Variants in BCL9 observed in about 807,000 individuals in gnomAD.
BCL9 encodes the protein BCL9 transcription coactivator, also known as B-cell CLL/lymphoma 9 protein.
BCL9 carries 25 observed loss-of-function variants against 88.5 expected under a neutral mutation model. That is an observed-to-expected ratio of 0.28 (90% CI 0.21 to 0.39). The LOEUF (loss-of-function observed/expected upper bound fraction) is 0.39. Among genes scored for constraint, BCL9 ranks in the 10% least tolerant of loss-of-function variants. The pLI is 1.00. For synonymous variants in BCL9, 711 were observed against 673.3 expected, an observed-to-expected ratio of 1.06 and a Z score of -0.87; for missense variants, 1,817 against 1,877.8, an observed-to-expected ratio of 0.97 and a Z score of 0.60.
At chr1:147,592,431 T>C (rs1322202818) in intron 1 of BCL9, among the ~76,000 whole-genome samples, 1 of 152,218 alleles carries the variant, frequency 6.6e-6, no homozygotes, top group African/African-American at 2.4e-5. Context: ...GCCTTTTCTT[T>C]CTTCCCCTCA....
rs142647046 is a variant in BCL9 at position 147,623,926 on chromosome 1, C to A, written c.3248C>A (p.Thr1083Asn). 2.1e-3 allele frequency: 3,411 copies of A among 1,614,080 alleles called. 8 individuals carry two copies. The highest frequency in any genetic ancestry group is 2.7e-3 in the Non-Finnish European group (3,145 of 1,180,054). Residue 1083 changes from threonine to asparagine, a missense_variant, in exon 10 of 10, where the codon ACC becomes AAC. By Grantham distance (65) the Thr-to-Asn change is moderately conservative. Coordinates refer to ENST00000234739, the MANE Select transcript of BCL9 (RefSeq NM_004326.4). ...PMPTLSPMGM[T>N]QPLSHSNQMP... is the part of the protein sequence containing the mutation. ...CCAACCCTCAGCCCAATGGGAATGA[C>A]CCAGCCACTTTCTCACTCCAATCAG...
Position 147,620,971 on chromosome 1 carries a change from C to T in BCL9, c.2816C>T (p.Pro939Leu), listed in dbSNP as rs1658605612. 1.9e-6 allele frequency: 3 copies of T among 1,614,088 alleles called. No homozygotes were observed. The highest frequency in any genetic ancestry group is 1.3e-5 in the African/African-American group (1 of 74,930). ...PSPGWTSSPK[P>L]PLQSPGIPPN... is the part of the protein sequence containing the mutation. ...CCTGGATGGACCTCTTCTCCAAAAC[C>T]TCCCCTTCAGAGTCCTGGGATCCCT... Residue 939 changes from proline (P) to leucine (L), a missense_variant, in exon 8 of 10, where the codon CCT becomes CTT. Pro to Leu is a moderately conservative substitution (Grantham distance 98). Transcript: ENST00000234739.
At chr1:147,566,392 G>C (rs1553196675) in intron 1 of BCL9, among the ~76,000 whole-genome samples, 1 of 152,088 alleles carries the variant, frequency 6.6e-6, no homozygotes. Flanking sequence ...CAATTCAGGG[G>C]ACCCCCCTGA....
At chr1:147,593,486 C>T (rs974192267) in intron 1 of BCL9, among the ~76,000 whole-genome samples, 9 of 152,206 alleles carry the variant, frequency 5.9e-5, no homozygotes, top group East Asian at 1.9e-4. Context: ...CTCTTCTGTA[C>T]GCCCAAAACA....
In BCL9 at chr1:147,620,249, C is replaced by G. The variant is rs368566134; in HGVS notation, c.2094C>G (p.Pro698=). 1 of 1,614,024 alleles carries G rather than the reference C, an allele frequency of 6.2e-7. No homozygotes were observed. The highest frequency in any genetic ancestry group is 1.3e-5 in the African/African-American group (1 of 74,934). Residue 698 remains proline, a synonymous_variant, in exon 8 of 10, where the codon CCC becomes CCG. Coordinates refer to ENST00000234739, the MANE Select transcript of BCL9 (RefSeq NM_004326.4). ...PSRGDFPKGI[P]PQMGPGRELE... ...GGGGTGACTTTCCAAAAGGAATTCCCCCACAGATGGGCCCTGGTCGGGAAC... is the reference window on the plus strand; with the variant it reads ...GGGGTGACTTTCCAAAAGGAATTCCGCCACAGATGGGCCCTGGTCGGGAAC...
In BCL9 at chr1:147,620,297, T is replaced by C. The variant is rs781844233; in HGVS notation, c.2142T>C (p.Ser714=). The part of the protein sequence containing the change: ...GRELEFGMVP[S]GMKGDVNLNV... ...AACTTGAGTTTGGGATGGTTCCTAG[T>C]GGGATGAAGGGAGATGTCAATCTAA... The change falls in exon 8 of 10, where the codon AGT becomes AGC. Residue 714 remains serine (S), a synonymous_variant. Coordinates refer to ENST00000234739, the MANE Select transcript of BCL9 (RefSeq NM_004326.4). The C allele has an allele frequency of 5.6e-6, 9 of 1,613,964 alleles. No individual in the cohort carries two copies. Among genetic ancestry groups the C allele is most frequent in the Non-Finnish European group, 7.6e-6 (9 of 1,179,988 alleles).
At chr1:147,570,116 A>G (rs1320489801) in intron 1 of BCL9, among the ~76,000 whole-genome samples, 1 of 152,242 alleles carries the variant, frequency 6.6e-6, no homozygotes, top group Non-Finnish European at 1.5e-5. Flanking sequence ...TGTGTGTTAA[A>G]TATTGTGTTT....
At position 147,551,192 on chromosome 1, in the gene BCL9, T is replaced by C. The variant is rs587636102; in HGVS notation, c.-478+9518T>C. The stretch of plus-strand genomic sequence containing the variant: ...AGGTGCTATTAATACCTTCATCTCA[T>C]AGTTGAGGACACTGCGGTCTAGAGA... On this transcript the variant is annotated intron_variant, in intron 1 of 9. Transcript: ENST00000234739. 3.9e-5 allele frequency among the ~76,000 whole-genome samples: 6 copies of C among 152,352 alleles called. No homozygotes were observed. The East Asian group carries it at 7.7e-4, about 20-fold the overall frequency.
rs925638601 is a variant in BCL9 at position 147,618,881 on chromosome 1, C to G, written c.726C>G (p.Ala242=). Residue 242 remains alanine, a synonymous_variant, in exon 8 of 10, where the codon GCC becomes GCG. Coordinates refer to ENST00000234739, the MANE Select transcript of BCL9 (RefSeq NM_004326.4). ...KPLPQQPPAP[A]NQDQNSSQNT... Reference sequence around the variant, plus strand: ...TCCCACAACAGCCCCCAGCTCCGGCCAACCAGGACCAGAATTCTTCCCAGA... The same window carrying G: ...TCCCACAACAGCCCCCAGCTCCGGCGAACCAGGACCAGAATTCTTCCCAGA... 5 of 1,610,064 alleles carry G rather than the reference C, an allele frequency of 3.1e-6. No homozygotes were observed. The highest frequency in any genetic ancestry group is 4.2e-6 in the Non-Finnish European group (5 of 1,177,820).
chr1:147,547,011 T>TTA (rs1553194327), intron 1 of BCL9, among the ~76,000 whole-genome samples: 38 of 150,172 alleles, frequency 2.5e-4, no homozygotes, highest in African/African-American at 8.6e-4. Context: ...TGTTTTTTTT[T>TTA]ATATTGTGCT....
At chr1:147,578,511 T>C (rs1433636100) in intron 1 of BCL9, among the ~76,000 whole-genome samples, 3 of 152,204 alleles carry the variant, frequency 2.0e-5, no homozygotes, top group African/African-American at 7.2e-5. Flanking sequence ...TCATCAGGTA[T>C]ATGCAAATAT....
At chr1:147,602,771 C>G (rs1403844625) in intron 1 of BCL9, among the ~76,000 whole-genome samples, 1 of 152,146 alleles carries the variant, frequency 6.6e-6, no homozygotes, top group Non-Finnish European at 1.5e-5. Context: ...TCAGAAGTGT[C>G]TGCTCCTGTG....
At chr1:147,549,934 T>G (rs1654811554) in intron 1 of BCL9, among the ~76,000 whole-genome samples, 1 of 152,200 alleles carries the variant, frequency 6.6e-6, no homozygotes, top group South Asian at 2.1e-4. Context: ...AATTGTTGCT[T>G]CTTTGACTTG....
At chr1:147,623,093 A>G (rs1256336253) in intron 9 of BCL9, among the ~76,000 whole-genome samples, 1 of 151,944 alleles carries the variant, frequency 6.6e-6, no homozygotes, top group Non-Finnish European at 1.5e-5. Flanking sequence ...AATGATCAGG[A>G]TGGTGAAAGC....
At chr1:147,565,540 A>G (rs1553196576) in intron 1 of BCL9, among the ~76,000 whole-genome samples, 2 of 152,210 alleles carry the variant, frequency 1.3e-5, no homozygotes, top group African/African-American at 4.8e-5. Flanking sequence ...TGGATAGCAC[A>G]TCTTTCCACT....
intron 9 of BCL9, among the ~76,000 whole-genome samples, chr1:147,623,292 A>G (rs1378833925): frequency 1.3e-5 from 2 of 152,206 alleles, no homozygotes; most frequent in Non-Finnish European, 2.9e-5. Context: ...TCAATGTCCC[A>G]GGGACTGTAT....
At chr1:147,569,591 G>T (rs1421536750) in intron 1 of BCL9, among the ~76,000 whole-genome samples, 2 of 151,942 alleles carry the variant, frequency 1.3e-5, no homozygotes, top group African/African-American at 4.8e-5. Flanking sequence ...CAGAGGTTGT[G>T]GTGAGCCAAG....
chr1:147,607,737 A>G (rs1657790767), intron 3 of BCL9, among the ~76,000 whole-genome samples: 1 of 152,174 alleles, frequency 6.6e-6, no homozygotes, highest in Non-Finnish European at 1.5e-5. Context: ...CTGGGTGGAT[A>G]AAGGAGCCAT....
intron 2 of BCL9, among the ~76,000 whole-genome samples, chr1:147,605,960 C>T (rs1379048559): frequency 6.6e-6 from 1 of 152,150 alleles, no homozygotes; most frequent in Non-Finnish European, 1.5e-5. Context: ...TGATTCTGAG[C>T]TTGGTTAGAT....
Sources: allele counts gnomAD v4.1 joint callset (sites outside exome capture counted in the v4.1 genomes callset), GRCh38; gene constraint gnomAD v4.1.1; transcripts MANE v1.5; gene names NCBI Gene and HGNC (gene_info 2026-07-23, HGNC 2026-07-21).